ATP8B3: variants seen among roughly 807,000 people sequenced by gnomAD.
The protein encoded by ATP8B3 is phospholipid-transporting ATPase IK.
A neutral mutation model predicts 140.9 loss-of-function variants in ATP8B3; 141 were observed. That is an observed-to-expected ratio of 1.00 (90% CI 0.87 to 1.15). The LOEUF is 1.15. Among genes scored for constraint, ATP8B3 ranks in the 50% most tolerant of loss-of-function variants. The pLI, the probability that ATP8B3 is intolerant of heterozygous loss-of-function variation, is 0.00. For synonymous variants in ATP8B3, 765 were observed against 714.6 expected (o/e 1.07, Z -1.13); for missense variants, 1,874 against 1,740.6 (o/e 1.08, Z -1.36).
intron 18 of ATP8B3, among the ~76,000 whole-genome samples, chr19:1,793,097 T>C (rs533542311): frequency 9.4e-5 from 14 of 148,574 alleles, no homozygotes; most frequent in African/African-American, 1.5e-4. Context: ...TTTTTTTTTT[T>C]CTCGGGGGTG....
intron 20 of ATP8B3, 146 bp downstream of exon 20, chr19:1,791,604 G>T: frequency 1.6e-6 from 1 of 631,838 alleles, no homozygotes; most frequent in South Asian, 1.9e-5. Flanking sequence ...TGTTGGCCCT[G>T]CTGGTCTCGA....
In ATP8B3 at chr19:1,789,483, G is replaced by A. The variant is rs79352049; in HGVS notation, c.2723C>T (p.Ala908Val). ...AFVDLASKCQAVICCRVTPKQ... is the reference protein window; with the variant it reads ...AFVDLASKCQVVICCRVTPKQ... ...GGGCGTCACGCGGCAGCAGATGACC[G>A]CCTGGCACTTGGACGCCAGGTCCAC... The change falls in exon 23 of 29, where the codon GCG becomes GTG. Residue 908 changes from alanine (A) to valine (V), a missense_variant. By Grantham distance (64) the Ala-to-Val change is moderately conservative (BLOSUM62 0). Transcript: ENST00000310127. The A allele has an allele frequency of 3.8e-6, 6 of 1,597,854 alleles. No homozygotes were observed. The highest frequency in any genetic ancestry group is 2.2e-5 in the East Asian group (1 of 44,750).
chr19:1,785,652 C>T lies in ATP8B3; in HGVS notation c.3210G>A (p.Lys1070=), dbSNP rs1467244154. 6.2e-7 allele frequency: 1 copy of T among 1,613,182 alleles called. No individual in the cohort carries two copies. The highest frequency in any genetic ancestry group is 1.1e-5 in the South Asian group (1 of 91,056). ...AGACCCAGTAGTTGAAGAGCTCGTC[C>T]TTCTGCCCCACCACGTACAGCTCCG... ...EKPELYVVGQ[K]DELFNYWVFV... is the part of the protein sequence containing the mutation. The change falls in exon 26 of 29, where the codon AAG becomes AAA. Residue 1070 remains lysine (K), a synonymous_variant. Transcript: ENST00000310127.
chr19:1,798,213 C>A (rs1347032538), intron 14 of ATP8B3, among the ~76,000 whole-genome samples: 2 of 151,820 alleles, frequency 1.3e-5, no homozygotes, highest in Non-Finnish European at 2.9e-5. Flanking sequence ...TCAGGTGATC[C>A]ACCCGCCTCA....
Position 1,787,164 on chromosome 19 carries a change from A to G in ATP8B3, c.3092T>C (p.Leu1031Pro). The G allele has an allele frequency of 1.2e-6, 2 of 1,611,000 alleles. No individual in the cohort carries two copies. Among genetic ancestry groups the G allele is most frequent in the Non-Finnish European group, 1.7e-6 (2 of 1,178,540 alleles). The change falls in exon 25 of 29, where the codon CTG (leucine) becomes CCG (proline). Residue 1031 changes from leucine to proline, a missense_variant. Physicochemically the swap from Leu to Pro is moderately conservative, Grantham distance 98. Transcript: ENST00000310127. ...GCTGTACAGGAGGTTGAAAAGAGCC[A>G]GGAACCATCCTTCATACAGGGGCTG... The part of the protein sequence containing the change: ...TGQPLYEGWF[L>P]ALFNLLYSTL...
At chr19:1,811,986 C>T (rs140903369) in intron 1 of ATP8B3, 102 bp from the exon 2 acceptor site, 12,964 of 537,938 alleles carry the variant, frequency 0.024, 240 homozygotes, top group Middle Eastern at 0.056. Context: ...TTCCCGCAGC[C>T]GCAGGGGCAC....
Position 1,800,277 on chromosome 19 carries a change from G to A in ATP8B3, c.1325C>T (p.Pro442Leu), listed in dbSNP as rs371996921. 43 of 1,611,662 alleles carry A rather than the reference G, an allele frequency of 2.7e-5. No individual in the cohort carries two copies. Among genetic ancestry groups the A allele is most frequent in the African/African-American group, 4.0e-5 (3 of 74,764 alleles). ...SFLILLSVTIPMSMFILSEFI... is the reference protein window; with the variant it reads ...SFLILLSVTILMSMFILSEFI... ...GACTCACAGGATGAACATGGACATC[G>A]GGATGGTGACGCTGAGCAGGATGAG... is the stretch of plus-strand genomic sequence containing the variant. The change falls in exon 13 of 29, where the codon CCG becomes CTG. Residue 442 changes from proline (P) to leucine (L), a missense_variant. By Grantham distance (98) the Pro-to-Leu change is moderately conservative. Around this residue, in one of 3 missense-constraint regions of ATP8B3, gnomAD observed 1,032 missense variants for 963.6 expected, o/e 1.07. Transcript: ENST00000310127. This position sits in a 1 kb window ranked among gnomAD's most constrained non-coding sequence, Gnocchi z 4.4.
Position 1,806,132 on chromosome 19 carries a change from C to A in ATP8B3, c.715G>T (p.Asp239Tyr). 6.2e-7 allele frequency: 1 copy of A among 1,601,824 alleles called. No homozygotes were observed. The highest frequency in any genetic ancestry group is 8.5e-7 in the Non-Finnish European group (1 of 1,174,716). The part of the protein sequence containing the change: ...QKKWQDLCVG[D>Y]VVCLRKDNIV... Reference sequence around the variant, plus strand: ...TTGTCCTTGCGGAGACAGACCACATCCCCCACGCACAGATCCTGCCATTTC... The same window carrying A: ...TTGTCCTTGCGGAGACAGACCACATACCCCACGCACAGATCCTGCCATTTC... The change falls in exon 8 of 29, where the codon GAT becomes TAT. Residue 239 changes from aspartate (D) to tyrosine (Y), a missense_variant. This residue lies in a region of ATP8B3 where 1,032 missense variants were observed against 963.6 expected (regional missense o/e 1.07). Transcript: ENST00000310127. This position sits in a 1 kb window ranked among gnomAD's most constrained non-coding sequence, Gnocchi z 5.6.
chr19:1,792,297 A>T (rs1305434633), intron 18 of ATP8B3, among the ~76,000 whole-genome samples, 162 bp from the exon 19 acceptor site: 2 of 152,192 alleles, frequency 1.3e-5, no homozygotes, highest in Non-Finnish European at 1.5e-5. Context: ...AACTGGTCTG[A>T]GGCCGGGTAC....
In ATP8B3 at chr19:1,806,231, G is replaced by T; in HGVS notation, c.678-62C>A. 6.5e-7 allele frequency: 1 copy of T among 1,545,676 alleles called. No homozygotes were observed. The highest frequency in any genetic ancestry group is 1.2e-5 in the South Asian group (1 of 83,982). ...TCTGCCAACCCTCCCCACACCGGGA[G>T]ACCAGAGGCACGGGATGACGGGGGG... is the stretch of plus-strand genomic sequence containing the variant. On this transcript the variant is annotated intron_variant, in intron 7 of 28. Coordinates refer to ENST00000310127, the MANE Select transcript of ATP8B3 (RefSeq NM_138813.4). The surrounding 1 kb of genome is among the most constrained non-coding windows in gnomAD (Gnocchi z 5.6).
At chr19:1,784,284 G>T (rs2068236751) in intron 28 of ATP8B3, among the ~76,000 whole-genome samples, 1 of 152,180 alleles carries the variant, frequency 6.6e-6, no homozygotes, top group South Asian at 2.1e-4. Flanking sequence ...TGAGGCCAAG[G>T]CAGGAGGATT....
rs559590715 is a variant in ATP8B3, at chr19:1,800,762, G to A, written c.1153-313C>T. Among the ~76,000 whole-genome samples the A allele has an allele frequency of 6.6e-6, 1 of 152,238 alleles. No homozygotes were observed. Among genetic ancestry groups the A allele is most frequent in the South Asian group, 2.1e-4 (1 of 4,822 alleles). ...TCGCTTGAGCCCAGGAGGCTGCAGT[G>A]AGATATCATGGCGCCACTGCACTCC... On this transcript the variant is annotated intron_variant, in intron 12 of 28. Transcript: ENST00000310127. This position sits in a 1 kb window ranked among gnomAD's most constrained non-coding sequence, Gnocchi z 4.4.
Position 1,796,806 on chromosome 19 carries a change from A to G in ATP8B3, c.1658T>C (p.Val553Ala). 1 of 1,612,586 alleles carries G rather than the reference A, an allele frequency of 6.2e-7. No homozygotes were observed. The highest frequency in any genetic ancestry group is 8.5e-7 in the Non-Finnish European group (1 of 1,179,614). ...CACGGCCTCGTCCCCGTTGGTCCGC[A>G]CGAGGTGCAGCAGGGCCGCATTGTG... Reference protein sequence around the residue: ...LFHNAALLHLVRTNGDEAVRE... With the variant: ...LFHNAALLHLARTNGDEAVRE... The change falls in exon 16 of 29, where the codon GTG (valine) becomes GCG (alanine). Residue 553 changes from valine to alanine, a missense_variant. Val to Ala is a moderately conservative substitution (Grantham distance 64). This residue lies in a region of ATP8B3 where 1,032 missense variants were observed against 963.6 expected (regional missense o/e 1.07). Coordinates refer to ENST00000310127, the MANE Select transcript of ATP8B3 (RefSeq NM_138813.4).
Position 1,796,893 on chromosome 19 carries a change from G to T in ATP8B3, c.1585-14C>A. On this transcript the variant is annotated splice_polypyrimidine_tract_variant and intron_variant, in intron 15 of 28. Transcript: ENST00000310127. The stretch of plus-strand genomic sequence containing the variant: ...GTAGGGGTTCTCCTGGGGGTGGCGG[G>T]GGCACGGGCCGGCTGTGGGTGGGCC... The T allele has an allele frequency of 6.2e-7, 1 of 1,610,918 alleles. No individual in the cohort carries two copies. The highest frequency in any genetic ancestry group is 1.1e-5 in the South Asian group (1 of 90,958).
At chr19:1,783,577 A>C (rs1346697908) in intron 28 of ATP8B3, among the ~76,000 whole-genome samples, 1 of 152,158 alleles carries the variant, frequency 6.6e-6, no homozygotes, top group Non-Finnish European at 1.5e-5. Context: ...CTTCCCTGGG[A>C]CTTAACCCTG....
Position 1,805,605 on chromosome 19 carries a change from G to GA in ATP8B3, c.822-150dup. 2 of 819,768 alleles carry GA rather than the reference G, an allele frequency of 2.4e-6. No individual in the cohort carries two copies. The highest frequency in any genetic ancestry group is 3.2e-5 in the South Asian group (2 of 61,844). 50.8% of individuals were successfully genotyped at this position (819,768 alleles called of 1,614,324 possible). On this transcript the variant is annotated intron_variant, in intron 9 of 28. Transcript: ENST00000310127. This position sits in a 1 kb window ranked among gnomAD's most constrained non-coding sequence, Gnocchi z 5.2. The stretch of plus-strand genomic sequence containing the variant: ...CAGATGGCTGAGGCCCAGAGAGGGA[G>GA]AAGGCCTTGCCCAAGGCCACACAGC...
chr19:1,783,199 C>G lies in ATP8B3; in HGVS notation c.3732G>C (p.Glu1244Asp). 1 of 1,612,890 alleles carries G rather than the reference C, an allele frequency of 6.2e-7. No homozygotes were observed. Among genetic ancestry groups the G allele is most frequent in the Non-Finnish European group, 8.5e-7 (1 of 1,179,522 alleles). Residue 1244 changes from glutamate to aspartate, a missense_variant, in exon 29 of 29, where the codon GAG becomes GAC. This residue lies in a region of ATP8B3 where 840 missense variants were observed against 760.9 expected (regional missense o/e 1.10). Transcript: ENST00000310127. ...CATAGCTGGAACGGCGGGCACGAGA[C>G]TCCCGGTGTACATGAGGCAAGGGCT... ...TMEPLPHVHR[E>D]SRARRSSYAF...
intron 25 of ATP8B3, among the ~76,000 whole-genome samples, chr19:1,786,063 T>C (rs2068296006): frequency 6.6e-6 from 1 of 151,126 alleles, no homozygotes; most frequent in African/African-American, 2.4e-5. Context: ...AGCCCAGGAG[T>C]GGAGGCTGCA....
Position 1,805,414 on chromosome 19 carries a change from G to C in ATP8B3, c.864C>G (p.His288Gln). 2 of 1,567,788 alleles carry C rather than the reference G, an allele frequency of 1.3e-6. No homozygotes were observed. The highest frequency in any genetic ancestry group is 1.7e-6 in the Non-Finnish European group (2 of 1,154,154). The change falls in exon 10 of 29, where the codon CAC (histidine) becomes CAG (glutamine). Residue 288 changes from histidine to glutamine, a missense_variant. Physicochemically the swap from His to Gln is conservative, Grantham distance 24. Coordinates refer to ENST00000310127, the MANE Select transcript of ATP8B3 (RefSeq NM_138813.4). This position sits in a 1 kb window ranked among gnomAD's most constrained non-coding sequence, Gnocchi z 5.2. ...TCTTCTTTATAGTGGCCAGTTCTTT[G>C]TGGGTGACCATCAGGGCCTGTCTGA... ...LKFRQALMVTHKELATIKKMA... is the reference protein window; with the variant it reads ...LKFRQALMVTQKELATIKKMA...
Sources: gnomAD v4.1 joint callset for allele counts (sites outside exome capture counted in the v4.1 genomes callset) on GRCh38, gnomAD v4.1.1 for gene constraint, gnomAD v4.1.1 regional missense constraint, Gnocchi (gnomAD v3.1) non-coding constraint, MANE v1.5 for transcripts, NCBI Gene and HGNC (gene_info 2026-07-23, HGNC 2026-07-21) for gene names.